The following ITCH variants were observed in gnomAD, a reference collection of about 807,000 sequenced individuals.
The protein encoded by ITCH is E3 ubiquitin-protein ligase Itchy homolog.
Under a neutral mutation model 126.8 loss-of-function variants are expected in ITCH, and 28 were observed. The ratio of observed to expected loss-of-function variants is 0.22; its 90% confidence interval spans 0.16 to 0.30. ITCH has a LOEUF of 0.30. Among genes scored for constraint, ITCH ranks in the 10% least tolerant of loss-of-function variants. ITCH has a pLI of 1.00. For missense variants in ITCH, 631 were observed against 1,032.4 expected (o/e 0.61, Z 5.33); for synonymous variants, 342 against 340.0 (o/e 1.01, Z -0.06).
intron 20 of ITCH, among the ~76,000 whole-genome samples, chr20:34,483,772 G>T (rs774200404): frequency 1.1e-4 from 16 of 152,130 alleles, no homozygotes; most frequent in Non-Finnish European, 1.9e-4. Flanking sequence ...GTTATCTTCA[G>T]CAGCACCCCA....
At chr20:34,418,506 AAT>A (rs1478092342) in intron 6 of ITCH, among the ~76,000 whole-genome samples, 1 of 152,114 alleles carries the variant, frequency 6.6e-6, no homozygotes, top group African/African-American at 2.4e-5. Context: ...ATATATTGAT[AAT>A]GTTTCTTACT....
intron 20 of ITCH, among the ~76,000 whole-genome samples, chr20:34,484,439 A>G (rs753112532): frequency 2.0e-5 from 3 of 152,200 alleles, no homozygotes; most frequent in Admixed American, 6.5e-5. Context: ...TTTATTTTGA[A>G]ATCTGCTTTT....
At chr20:34,464,626 C>T (rs1600407556) in intron 14 of ITCH, among the ~76,000 whole-genome samples, 1 of 152,086 alleles carries the variant, frequency 6.6e-6, no homozygotes, top group African/African-American at 2.4e-5. Context: ...CGCGCCCAGC[C>T]TGTCAGTTTT....
chr20:34,389,007 G>T (rs2038391506), intron 2 of ITCH, among the ~76,000 whole-genome samples: 1 of 152,018 alleles, frequency 6.6e-6, no homozygotes, highest in South Asian at 2.1e-4. Context: ...TCATCCCTTG[G>T]TATATGTGGG....
At chr20:34,483,018 C>T (rs796083417) in intron 20 of ITCH, among the ~76,000 whole-genome samples, 14 of 152,292 alleles carry the variant, frequency 9.2e-5, no homozygotes, top group African/African-American at 2.4e-4. Context: ...AGCAACAACC[C>T]GGGCTGTACC....
intron 12 of ITCH, among the ~76,000 whole-genome samples, chr20:34,450,540 T>C (rs1008537137): frequency 1.3e-5 from 2 of 152,202 alleles, no homozygotes; most frequent in East Asian, 3.8e-4. Flanking sequence ...TATAGTGTTA[T>C]GTAATACTCA....
In ITCH at chr20:34,492,576, G is replaced by C; in HGVS notation, c.2395G>C (p.Gly799Arg). 1 of 1,611,556 alleles carries C rather than the reference G, an allele frequency of 6.2e-7. No individual in the cohort carries two copies. The highest frequency in any genetic ancestry group is 8.5e-7 in the Non-Finnish European group (1 of 1,177,688). Residue 799 changes from glycine to arginine, a missense_variant, in exon 23 of 25, where the codon GGA (glycine) becomes CGA (arginine). Gly to Arg is a moderately radical substitution (Grantham distance 125). Transcript: ENST00000374864. ...TACTGGAACCTGCCGATTGCCAGTA[G>C]GAGGATTTGCTGATCTCATGGGTAT... is the stretch of plus-strand genomic sequence containing the variant. ...FVTGTCRLPV[G>R]GFADLMGSNG...
At chr20:34,383,363 T>A (rs1418783397) in intron 2 of ITCH, among the ~76,000 whole-genome samples, 5 of 28,552 alleles carry the variant, frequency 1.8e-4, no homozygotes, top group African/African-American at 4.4e-4. Context: ...GCTTGATAGA[T>A]TTTTTTTTTT....
At chr20:34,428,800 T>A (rs1475501904) in intron 7 of ITCH, among the ~76,000 whole-genome samples, 1 of 152,222 alleles carries the variant, frequency 6.6e-6, no homozygotes, top group Non-Finnish European at 1.5e-5. Context: ...TGTCTGAGGT[T>A]CTCTATCCTG....
intron 3 of ITCH, 142 bp downstream of exon 3, chr20:34,394,023 G>T: frequency 1.3e-6 from 1 of 782,392 alleles, no homozygotes; most frequent in East Asian, 2.5e-5. Flanking sequence ...CTTGAGGCCA[G>T]GAGTTTGAGA....
At chr20:34,507,528 C>T (rs1990715881) in intron 24 of ITCH, among the ~76,000 whole-genome samples, 167 bp from the exon 25 acceptor site, 1 of 151,860 alleles carries the variant, frequency 6.6e-6, no homozygotes, top group South Asian at 2.1e-4. Context: ...ATATGATTTA[C>T]AAATATTTTT....
chr20:34,464,779 C>T (rs535083155), intron 14 of ITCH, among the ~76,000 whole-genome samples: 2 of 152,010 alleles, frequency 1.3e-5, no homozygotes, highest in East Asian at 1.9e-4. Flanking sequence ...GGCAAGATCT[C>T]AGCTCACTGC....
chr20:34,410,320 A>T (rs531580869), intron 4 of ITCH, among the ~76,000 whole-genome samples: 114 of 152,068 alleles, frequency 7.5e-4, no homozygotes, highest in Admixed American at 1.8e-3. Context: ...GGTTGCAGTG[A>T]ACTGAGATCG....
chr20:34,491,208 G>C (rs1186136842), intron 22 of ITCH, among the ~76,000 whole-genome samples: 1 of 152,174 alleles, frequency 6.6e-6, no homozygotes, highest in African/African-American at 2.4e-5. Context: ...ATTATTCAGT[G>C]CTAAAAAGTA....
intron 24 of ITCH, 56 bp downstream of exon 24, chr20:34,504,459 A>AT (rs1295735685): frequency 9.2e-7 from 1 of 1,091,886 alleles, no homozygotes; most frequent in Non-Finnish European, 1.4e-6. Context: ...ATCTGTAGCT[A>AT]TTTAAAGCCA....
At chr20:34,372,988 T>C (rs1182815920) in intron 2 of ITCH, among the ~76,000 whole-genome samples, 5 of 152,072 alleles carry the variant, frequency 3.3e-5, no homozygotes, top group Non-Finnish European at 7.4e-5. Context: ...TTTTTTTTTT[T>C]TTTGAGACGG....
At chr20:34,443,471 T>C (rs2064705) in intron 10 of ITCH, among the ~76,000 whole-genome samples, 111,651 of 151,422 alleles carry the variant, frequency 0.74, 42,581 homozygotes, top group African/African-American at 0.93. Context: ...TGTGCCACTG[T>C]ACTCCAGCCT....
chr20:34,503,883 T>G (rs4911427), intron 23 of ITCH, among the ~76,000 whole-genome samples: 1,999 of 80,858 alleles, frequency 0.025, 61 homozygotes, highest in African/African-American at 0.064. Context: ...TTTTTTTTTT[T>G]GGTTTTTTTT....
chr20:34,474,864 CGGCTG>C (rs1988007893), intron 16 of ITCH, among the ~76,000 whole-genome samples: 2 of 151,166 alleles, frequency 1.3e-5, no homozygotes, highest in African/African-American at 4.9e-5. Flanking sequence ...CCAGACGGGG[CGGCTG>C]CCGGGCGGAG....
Sources: gnomAD v4.1 joint callset for allele counts (sites outside exome capture counted in the v4.1 genomes callset) on GRCh38, gnomAD v4.1.1 for gene constraint, MANE v1.5 for transcripts, NCBI Gene and HGNC (gene_info 2026-07-23, HGNC 2026-07-21) for gene names.